Variants in AK8 observed in about 807,000 individuals in gnomAD.
The protein encoded by AK8 is adenylate kinase 8, also known as ATP-AMP transphosphorylase 8.
In AK8, 44 loss-of-function variants were observed where a neutral mutation model predicts 54.6. The ratio of observed to expected loss-of-function variants is 0.81; its 90% CI spans 0.63 to 1.04. The LOEUF (loss-of-function observed/expected upper bound fraction) is 1.04. Ranked by LOEUF, AK8 falls within the 50% of genes least tolerant of loss-of-function variation. The pLI is 0.00. For synonymous variants in AK8, 239 were observed against 245.6 expected, an observed-to-expected ratio of 0.97 and a Z score of 0.25; for missense variants, 555 against 613.6, an observed-to-expected ratio of 0.90 and a Z score of 1.01.
At chr9:132,871,928 C>T (rs1843856394) in intron 2 of AK8, among the ~76,000 whole-genome samples, 1 of 152,224 alleles carries the variant, frequency 6.6e-6, no homozygotes. Flanking sequence ...AAGCTGCACA[C>T]AGAGGAGCAA....
At chr9:132,728,709 G>A (rs1212452063) in intron 11 of AK8, among the ~76,000 whole-genome samples, 1 of 151,968 alleles carries the variant, frequency 6.6e-6, no homozygotes, top group East Asian at 1.9e-4. Flanking sequence ...TTTCTCAAAG[G>A]AGCCCTGGAC....
chr9:132,815,948 C>T (rs675851), intron 9 of AK8, among the ~76,000 whole-genome samples: 30,981 of 152,116 alleles, frequency 0.2, 3,454 homozygotes, highest in East Asian at 0.44. Flanking sequence ...ACCAGGGATT[C>T]ATTCCTCAAT....
At chr9:132,768,269 A>AT (rs34438042) in intron 11 of AK8, among the ~76,000 whole-genome samples, 34 of 135,814 alleles carry the variant, frequency 2.5e-4, no homozygotes, top group South Asian at 4.7e-4. Context: ...TAACTTTTTA[A>AT]TTTTTTTTTT....
Position 132,814,665 on chromosome 9 carries a change from G to T in AK8, c.952C>A (p.Gln318Lys). The T allele has an allele frequency of 6.2e-7, 1 of 1,614,118 alleles. No individual in the cohort carries two copies. The change falls in exon 10 of 13, where the codon CAG becomes AAG. Residue 318 changes from glutamine to lysine, a missense_variant. Physicochemically the swap from Gln to Lys is moderately conservative, Grantham distance 53. Coordinates refer to ENST00000298545, the MANE Select transcript of AK8 (RefSeq NM_152572.3). ...ADRTTFGELIQPFFEKEMAVP... is the reference protein window; with the variant it reads ...ADRTTFGELIKPFFEKEMAVP... The stretch of plus-strand genomic sequence containing the variant: ...GCCATCTCCTTTTCAAAGAAGGGCT[G>T]GATGAGCTCGCCAAACGTGGTCCTA...
intron 5 of AK8, among the ~76,000 whole-genome samples, chr9:132,829,628 G>A (rs954298223): frequency 2.0e-5 from 3 of 150,924 alleles, no homozygotes; most frequent in Non-Finnish European, 4.4e-5. Flanking sequence ...CGATGATTCC[G>A]GTTTCTACTC....
chr9:132,812,912 G>A (rs972723916), intron 10 of AK8, among the ~76,000 whole-genome samples: 6 of 126,438 alleles, frequency 4.7e-5, no homozygotes, highest in Admixed American at 3.1e-4. Context: ...TGTGGCCACC[G>A]CAGACACCCA....
At chr9:132,759,741 G>GT (rs1248191596) in intron 11 of AK8, among the ~76,000 whole-genome samples, 1 of 152,212 alleles carries the variant, frequency 6.6e-6, no homozygotes, top group African/African-American at 2.4e-5. Context: ...ATTATCAAGT[G>GT]TGAGTGTTTC....
intron 10 of AK8, among the ~76,000 whole-genome samples, chr9:132,796,723 C>T (rs1247964432): frequency 2.0e-5 from 3 of 151,340 alleles, no homozygotes; most frequent in South Asian, 2.1e-4. Context: ...CTAATTTAAA[C>T]ATATATTCAT....
chr9:132,786,679 C>G (rs1331959083), intron 11 of AK8, among the ~76,000 whole-genome samples: 3 of 152,182 alleles, frequency 2.0e-5, no homozygotes, highest in Non-Finnish European at 4.4e-5. Context: ...TCTTTCCATG[C>G]ACTCAGAGCT....
At position 132,804,217 on chromosome 9, in the gene AK8, T is replaced by C. The variant is rs375429470; in HGVS notation, c.979+10421A>G. 4.1e-4 allele frequency among the ~76,000 whole-genome samples: 62 copies of C among 151,826 alleles called. No homozygotes were observed. The East Asian group carries it at 6.4e-3, about 16-fold the overall frequency. On this transcript the variant is annotated intron_variant, in intron 10 of 12. Coordinates refer to ENST00000298545, the MANE Select transcript of AK8 (RefSeq NM_152572.3). ...GCAGCAGAGGGCAGCATCTGGGCCC[T>C]GGGATTGTCCACACCACAGGGACCC...
chr9:132,814,695 C>A lies in AK8; in HGVS notation c.922G>T (p.Ala308Ser). ...CCGQLLKEAVADRTTFGELIQ... is the reference protein window; with the variant it reads ...CCGQLLKEAVSDRTTFGELIQ... The stretch of plus-strand genomic sequence containing the variant: ...AGCTCGCCAAACGTGGTCCTATCTG[C>A]CACAGCCTCTTTCAGCAGTTGCCCA... Residue 308 changes from alanine (A) to serine (S), a missense_variant, in exon 10 of 13, where the codon GCA (alanine) becomes TCA (serine). Ala to Ser is a moderately conservative substitution (Grantham distance 99). Coordinates refer to ENST00000298545, the MANE Select transcript of AK8 (RefSeq NM_152572.3). 1.9e-6 allele frequency: 3 copies of A among 1,613,994 alleles called. No individual in the cohort carries two copies. The South Asian group carries it at 3.3e-5, about 18-fold the overall frequency.
intron 11 of AK8, among the ~76,000 whole-genome samples, chr9:132,748,826 C>T (rs1218268626): frequency 6.6e-6 from 1 of 151,950 alleles, no homozygotes; most frequent in Admixed American, 6.6e-5. Context: ...GAAGTACACA[C>T]TAATTTCTTG....
intron 11 of AK8, among the ~76,000 whole-genome samples, chr9:132,730,716 G>C (rs746712865): frequency 6.6e-6 from 1 of 152,116 alleles, no homozygotes; most frequent in East Asian, 1.9e-4. Context: ...GCACCCCAAA[G>C]GTCCTGTGAG....
intron 9 of AK8, among the ~76,000 whole-genome samples, chr9:132,817,120 C>T (rs1332658980): frequency 2.0e-5 from 3 of 152,136 alleles, no homozygotes; most frequent in Non-Finnish European, 4.4e-5. Flanking sequence ...CTGAACACCC[C>T]GGACATTCAG....
At position 132,875,683 on chromosome 9, in the gene AK8, G is replaced by C. The variant is rs532215391; in HGVS notation, c.85-484C>G. ...AAATATGTCAGATGCTCCTGCACCT[G>C]CCTGCGGGCATCGCCCTGTTCCACG... On this transcript the variant is annotated intron_variant, in intron 1 of 12. Transcript: ENST00000298545. Among the ~76,000 whole-genome samples, 130 of 152,346 alleles carry C rather than the reference G, an allele frequency of 8.5e-4. 2 individuals are homozygous for C. The highest frequency in any genetic ancestry group is 3.1e-3 in the African/African-American group (130 of 41,590).
chr9:132,878,381 G>C, upstream of AK8: 1 of 1,244,846 alleles, frequency 8.0e-7, no homozygotes, highest in Non-Finnish European at 1.0e-6. The surrounding 1 kb of genome is among the most constrained non-coding windows in gnomAD (Gnocchi z 4.7). Context: ...CCCGATCCTC[G>C]GTCGCGCGGG....
chr9:132,828,684 G>C lies in AK8; in HGVS notation c.445C>G (p.Leu149Val), dbSNP rs1841980932. 1 of 1,612,822 alleles carries C rather than the reference G, an allele frequency of 6.2e-7. No individual in the cohort carries two copies. The highest frequency in any genetic ancestry group is 1.3e-5 in the African/African-American group (1 of 74,918). ...GTGATCCCCAGGGTCTGGATCCTCA[G>C]AGCCTGCTCACGCGTCTCAGGGATG... Reference protein sequence around the residue: ...DGIPETREQALRIQTLGITPR... With the variant: ...DGIPETREQAVRIQTLGITPR... Residue 149 changes from leucine to valine, a missense_variant, in exon 6 of 13, where the codon CTG becomes GTG. Coordinates refer to ENST00000298545, the MANE Select transcript of AK8 (RefSeq NM_152572.3).
intron 3 of AK8, 134 bp from the exon 4 acceptor site, chr9:132,863,912 G>A: frequency 2.9e-6 from 2 of 696,536 alleles, no homozygotes; most frequent in South Asian, 3.9e-5. Context: ...ATTTCCAGCT[G>A]GAGGACGGCC....
At chr9:132,748,081 A>T (rs976148674) in intron 11 of AK8, among the ~76,000 whole-genome samples, 5 of 151,780 alleles carry the variant, frequency 3.3e-5, no homozygotes, top group African/African-American at 1.2e-4. Flanking sequence ...CCTGGGCAAC[A>T]AGAGTGAAAC....
Sources: allele counts gnomAD v4.1 joint callset (sites outside exome capture counted in the v4.1 genomes callset), GRCh38; gene constraint gnomAD v4.1.1; non-coding constraint Gnocchi (gnomAD v3.1); transcripts MANE v1.5; gene names NCBI Gene and HGNC (gene_info 2026-07-23, HGNC 2026-07-21).